Variants in RNLS observed in about 807,000 individuals in gnomAD.
The protein encoded by RNLS is renalase, FAD dependent amine oxidase, also known as renalase.
In RNLS, 39 loss-of-function variants were observed where a neutral mutation model predicts 39.8. That is an observed-to-expected ratio of 0.98 (90% CI 0.76 to 1.28). The LOEUF is 1.28. Ranked by LOEUF, RNLS falls within the 50% of genes most tolerant of loss-of-function variation. The pLI is 0.00. For missense variants in RNLS, 410 were observed against 413.3 expected, an observed-to-expected ratio of 0.99 and a Z score of 0.07; for synonymous variants, 147 against 150.7, an observed-to-expected ratio of 0.98 and a Z score of 0.18.
intron 4 of RNLS, among the ~76,000 whole-genome samples, chr10:88,451,680 A>C (rs985796028): frequency 2.0e-5 from 3 of 152,156 alleles, no homozygotes; most frequent in African/African-American, 7.2e-5. Context: ...GTGCTTCTGT[A>C]AAAGCTGTAG....
At chr10:88,546,290 C>A (rs1848309102) in intron 4 of RNLS, among the ~76,000 whole-genome samples, 1 of 151,876 alleles carries the variant, frequency 6.6e-6, no homozygotes. Context: ...ATTATAAAGT[C>A]ATTTTGTAAA....
At chr10:88,197,296 A>G in the RNLS span, among the ~76,000 whole-genome samples, 1 of 152,220 alleles carries the variant, frequency 6.6e-6, no homozygotes, top group Non-Finnish European at 1.5e-5. Flanking sequence ...AAATAAATAA[A>G]GACTGTTTTC....
the RNLS span, among the ~76,000 whole-genome samples, chr10:88,172,639 G>C: frequency 2.0e-5 from 3 of 151,392 alleles, no homozygotes; most frequent in Non-Finnish European, 4.4e-5. Context: ...TCTTCACTCT[G>C]TGGATTGCTT....
chr10:88,535,783 A>G (rs1210437094), intron 4 of RNLS, among the ~76,000 whole-genome samples: 6 of 152,172 alleles, frequency 3.9e-5, no homozygotes, highest in Non-Finnish European at 8.8e-5. Context: ...CAGTAACTCA[A>G]GTCAAGAGGA....
intron 4 of RNLS, among the ~76,000 whole-genome samples, chr10:88,562,657 C>T (rs968466067): frequency 3.3e-5 from 5 of 151,962 alleles, no homozygotes; most frequent in Admixed American, 2.6e-4. Context: ...TTGATAAAAC[C>T]AGCAAAAATT....
chr10:88,219,105 T>C, the RNLS span, among the ~76,000 whole-genome samples: 1 of 152,238 alleles, frequency 6.6e-6, no homozygotes, highest in Admixed American at 6.5e-5. Flanking sequence ...GATGAGACCA[T>C]GAATTTCTTC....
intron 4 of RNLS, among the ~76,000 whole-genome samples, chr10:88,546,034 G>A (rs1353744602): frequency 6.6e-6 from 1 of 152,034 alleles, no homozygotes. Flanking sequence ...TAAACTGGTA[G>A]GGGGGAGGGA....
the RNLS span, among the ~76,000 whole-genome samples, chr10:88,261,209 A>G: frequency 6.6e-6 from 1 of 152,344 alleles, no homozygotes; most frequent in Non-Finnish European, 1.5e-5. Flanking sequence ...ATCAAACTTT[A>G]ACATCAAGCT....
chr10:88,333,240 G>A (rs1847244632), intron 5 of RNLS, among the ~76,000 whole-genome samples: 1 of 152,072 alleles, frequency 6.6e-6, no homozygotes, highest in Non-Finnish European at 1.5e-5. Context: ...AATCTTTAAT[G>A]GAAAGATATT....
At chr10:88,420,060 G>A (rs2066382) in intron 4 of RNLS, among the ~76,000 whole-genome samples, 3,576 of 42,454 alleles carry the variant, frequency 0.084, 57 homozygotes, top group Non-Finnish European at 0.093. Flanking sequence ...ATAAATAAAT[G>A]AATGAATAAA....
At chr10:88,474,109 T>C (rs1049311256) in intron 4 of RNLS, among the ~76,000 whole-genome samples, 5 of 152,194 alleles carry the variant, frequency 3.3e-5, no homozygotes, top group Non-Finnish European at 2.9e-5. Flanking sequence ...AAATAAATTA[T>C]ATTTGAGATG....
At chr10:88,295,398 A>G (rs576993212) in intron 6 of RNLS, among the ~76,000 whole-genome samples, 2 of 152,314 alleles carry the variant, frequency 1.3e-5, no homozygotes, top group East Asian at 3.9e-4. Flanking sequence ...GCTTTCCTGC[A>G]GAGATGGTAC....
In RNLS at chr10:88,581,642, T is replaced by C; in HGVS notation, c.292A>G (p.Met98Val). Reference protein sequence around the residue: ...PLSSPIEGMVMKEGDCNFVAP... With the variant: ...PLSSPIEGMVVKEGDCNFVAP... ...ACAAAGTTACAGTCTCCTTCTTTCA[T>C]CACCATTCCTTCAATAGGCGAGCTT... The change falls in exon 3 of 7, where the codon ATG (methionine) becomes GTG (valine). Residue 98 changes from methionine to valine, a missense_variant. Met to Val is a conservative substitution (Grantham distance 21, BLOSUM62 1). Transcript: ENST00000331772. 1.9e-6 allele frequency: 3 copies of C among 1,605,816 alleles called. No homozygotes were observed. Among genetic ancestry groups the C allele is most frequent in the Non-Finnish European group, 2.6e-6 (3 of 1,176,020 alleles).
rs542573623 is a variant in RNLS at position 88,554,640 on chromosome 10, C to T, written c.526+18263G>A. Among the ~76,000 whole-genome samples the T allele has an allele frequency of 2.0e-5, 3 of 151,976 alleles. No individual in the cohort carries two copies. The East Asian group carries it at 5.8e-4, about 30-fold the overall frequency. ...AAGCAGAAGAGGACTTCCACAGGCC[C>T]TCACCTCCAAAAGTATCATCTATCT... On this transcript the variant is annotated intron_variant, in intron 4 of 6. Transcript: ENST00000331772.
downstream of RNLS, among the ~76,000 whole-genome samples, chr10:88,280,097 CCCTCT>C (rs1040475528): frequency 6.6e-6 from 1 of 152,098 alleles, no homozygotes; most frequent in Non-Finnish European, 1.5e-5. Flanking sequence ...ACTCTTCCTC[CCCTCT>C]CCTCTCCTCC....
chr10:88,447,425 T>TA (rs1373490583), intron 4 of RNLS, among the ~76,000 whole-genome samples: 16 of 152,066 alleles, frequency 1.1e-4, no homozygotes, highest in African/African-American at 3.9e-4. Flanking sequence ...TCAAAGAGAA[T>TA]AAATACCTAG....
intron 4 of RNLS, among the ~76,000 whole-genome samples, chr10:88,479,791 TTC>T (rs1400070907): frequency 3.2e-5 from 4 of 124,936 alleles, no homozygotes; most frequent in Non-Finnish European, 7.2e-5. Context: ...TTTTCTTTTT[TTC>T]TTTTTTTTTT....
chr10:88,495,590 A>T (rs1845122747), intron 4 of RNLS, among the ~76,000 whole-genome samples: 1 of 152,138 alleles, frequency 6.6e-6, no homozygotes, highest in Non-Finnish European at 1.5e-5. Context: ...AAAAAGGGCT[A>T]CCAGTGGGGG....
intron 4 of RNLS, among the ~76,000 whole-genome samples, chr10:88,451,056 A>C (rs1173765099): frequency 6.6e-6 from 1 of 152,204 alleles, no homozygotes; most frequent in Non-Finnish European, 1.5e-5. Flanking sequence ...ATAGGAATAC[A>C]GAGGCTAGGA....
Sources: allele counts gnomAD v4.1 joint callset (sites outside exome capture counted in the v4.1 genomes callset), GRCh38; gene constraint gnomAD v4.1.1; transcripts MANE v1.5; gene names NCBI Gene and HGNC (gene_info 2026-07-23, HGNC 2026-07-21).